Variants in LAMA5 observed in about 807,000 individuals in gnomAD.
LAMA5 encodes the protein laminin subunit alpha-5.
Under a neutral mutation model 433.4 loss-of-function variants are expected in LAMA5, and 260 were observed. The ratio of observed to expected loss-of-function variants is 0.60; its 90% confidence interval spans 0.54 to 0.66. The LOEUF is 0.66. LAMA5 is among the 30% of genes least tolerant of loss of function. The pLI is 0.00. For synonymous variants in LAMA5, 2,620 were observed against 2,226.6 expected (o/e 1.18, Z -4.97); for missense variants, 5,378 against 5,258.5 (o/e 1.02, Z -0.70).
intron 2 of LAMA5, among the ~76,000 whole-genome samples, chr20:62,354,098 G>C (rs1984789130): frequency 6.6e-6 from 1 of 152,078 alleles, no homozygotes; most frequent in African/African-American, 2.4e-5. Flanking sequence ...TTCTCCCCGT[G>C]TGTCAGCCTG....
At chr20:62,334,479 G>A (rs1294768628) in intron 21 of LAMA5, 43 bp downstream of exon 21, 1 of 1,526,240 alleles carries the variant, frequency 6.6e-7, no homozygotes. Flanking sequence ...AGGACAAGCT[G>A]CCTGCCCCGC....
Position 62,314,829 on chromosome 20 carries a change from G to A in LAMA5, c.8166C>T (p.Leu2722=), listed in dbSNP as rs1568900516. Residue 2722 remains leucine, a synonymous_variant, in exon 60 of 80, where the codon CTC becomes CTT. Transcript: ENST00000252999. ...LSASIGRVRE[L]IAQARGAASK... Reference sequence around the variant, plus strand: ...TGGCAGCCCCCCGGGCCTGGGCAATGAGCTCTCGCACGCGGCCAATGCTGG... The same window carrying A: ...TGGCAGCCCCCCGGGCCTGGGCAATAAGCTCTCGCACGCGGCCAATGCTGG... The A allele has an allele frequency of 1.2e-6, 2 of 1,612,728 alleles. No homozygotes were observed. The highest frequency in any genetic ancestry group is 2.7e-5 in the African/African-American group (2 of 74,906).
chr20:62,329,096 GA>G, intron 33 of LAMA5, 41 bp from the exon 34 acceptor site: 1 of 1,611,910 alleles, frequency 6.2e-7, no homozygotes, highest in African/African-American at 1.3e-5. Flanking sequence ...TCCCGGCCCA[GA>G]CCCCCACCCC....
At chr20:62,353,067 G>T in intron 3 of LAMA5, 67 bp downstream of exon 3, 1 of 1,187,942 alleles carries the variant, frequency 8.4e-7, no homozygotes, top group Non-Finnish European at 1.2e-6. Context: ...CAGAAGCCTG[G>T]TCACGGAGGG....
chr20:62,337,053 G>A (rs1293183865), intron 16 of LAMA5: 1 of 655,954 alleles, frequency 1.5e-6, no homozygotes, highest in Non-Finnish European at 2.8e-6. Flanking sequence ...CACGCAGTGT[G>A]TGACACACGT....
chr20:62,335,352 A>C, intron 18 of LAMA5, 83 bp from the exon 19 acceptor site: 3 of 1,404,556 alleles, frequency 2.1e-6, no homozygotes, highest in Non-Finnish European at 3.0e-6. Context: ...CCACACCCTA[A>C]CACCCCCTCC....
chr20:62,315,136 G>A lies in LAMA5; in HGVS notation c.7939C>T (p.Gln2647Ter). Reference protein sequence around the residue: ...AEAQDTATRVQSQLQAMQENV... With the variant: ...AEAQDTATRV Reference sequence around the variant, plus strand: ...TCCTGCATGGCCTGCAGCTGGGACTGCACACGGGTGGCGGTGTCCTGGGCT... The same window carrying A: ...TCCTGCATGGCCTGCAGCTGGGACTACACACGGGTGGCGGTGTCCTGGGCT... The change falls in exon 59 of 80, where the codon CAG becomes TAG. Residue 2647 changes from glutamine (Q) to a stop codon, truncating the protein, a stop_gained. Transcript: ENST00000252999. LOFTEE classifies it high-confidence loss of function. The A allele has an allele frequency of 1.9e-6, 3 of 1,610,050 alleles. No individual in the cohort carries two copies. The highest frequency in any genetic ancestry group is 8.5e-7 in the Non-Finnish European group (1 of 1,179,756).
In LAMA5 at chr20:62,353,887, G is replaced by A. The variant is rs555519311; in HGVS notation, c.451-636C>T. Among the ~76,000 whole-genome samples, 264 of 152,258 alleles carry A rather than the reference G, an allele frequency of 1.7e-3. 2 individuals carry two copies. The highest frequency in any genetic ancestry group is 5.9e-3 in the African/African-American group (245 of 41,548). ...AGGGACTGGGCTGCAGGGAGCAAGCGGGGCTCAGCCTTGCAGGCTGGGGGC... is the reference window on the plus strand; with the variant it reads ...AGGGACTGGGCTGCAGGGAGCAAGCAGGGCTCAGCCTTGCAGGCTGGGGGC... On this transcript the variant is annotated intron_variant, in intron 2 of 79. Coordinates refer to ENST00000252999, the MANE Select transcript of LAMA5 (RefSeq NM_005560.6).
rs1983491550 is a variant in LAMA5 at position 62,346,972 on chromosome 20, G to T, written c.1013C>A (p.Pro338His). The T allele has an allele frequency of 1.9e-6, 3 of 1,612,592 alleles. No individual in the cohort carries two copies. The highest frequency in any genetic ancestry group is 2.2e-5 in the South Asian group (2 of 91,076). Residue 338 changes from proline (P) to histidine (H), a missense_variant, in exon 7 of 80, where the codon CCC becomes CAC. Physicochemically the swap from Pro to His is moderately conservative, Grantham distance 77 (BLOSUM62 -2). Coordinates refer to ENST00000252999, the MANE Select transcript of LAMA5 (RefSeq NM_005560.6). Reference sequence around the variant, plus strand: ...CTTCCACGGCTGCTGATTGAAGCCGGGGCAGCAGCGGTCGCAGGTGCCCCC... The same window carrying T: ...CTTCCACGGCTGCTGATTGAAGCCGTGGCAGCAGCGGTCGCAGGTGCCCCC... ...TCGGTCDRCC[P>H]GFNQQPWKPA...
chr20:62,329,357 TGGC>T lies in LAMA5; in HGVS notation c.4120-107_4120-105del. 13 of 835,220 alleles carry T rather than the reference TGGC, an allele frequency of 1.6e-5. No individual in the cohort carries two copies. The South Asian group carries it at 2.2e-4, about 14-fold the overall frequency. The allele number at this position is 835,220 out of a possible 1,614,324, so 51.7% of individuals were successfully genotyped here. On this transcript the variant is annotated intron_variant, in intron 32 of 79. Transcript: ENST00000252999. Reference sequence around the variant, plus strand: ...GGGTCCTGCAGGCAGCTCAGAGTCCTGGCAGCAGCAGCCCAGCCCAGCCCAGCC... The same window carrying T: ...GGGTCCTGCAGGCAGCTCAGAGTCCTAGCAGCAGCCCAGCCCAGCCCAGCC...
At chr20:62,361,928 G>A (rs970802908) in intron 2 of LAMA5, among the ~76,000 whole-genome samples, 5 of 152,154 alleles carry the variant, frequency 3.3e-5, no homozygotes, top group South Asian at 2.1e-4. Flanking sequence ...GCAGGCACCC[G>A]ACCCCACCTA....
intron 45 of LAMA5, 97 bp from the exon 46 acceptor site, chr20:62,322,855 GTGTCTCC>G (rs1978533484): frequency 1.3e-6 from 1 of 797,618 alleles, no homozygotes; most frequent in Non-Finnish European, 1.9e-6. Flanking sequence ...GCCTCCTGCT[GTGTCTCC>G]TCCAGGCCGC....
In LAMA5 at chr20:62,324,485, G is replaced by A; in HGVS notation, c.5599C>T (p.His1867Tyr). The stretch of plus-strand genomic sequence containing the variant: ...GGGAGGCAGCGGTCTGAGTGTCCAT[G>A]GCACTGACAAGGGACACATCGGCCC... ...FLGRCVPCQC[H>Y]GHSDRCLPGS... is the part of the protein sequence containing the mutation. Residue 1867 changes from histidine to tyrosine, a missense_variant, in exon 42 of 80, where the codon CAT (histidine) becomes TAT (tyrosine). By Grantham distance (83) the His-to-Tyr change is moderately conservative. Transcript: ENST00000252999. The surrounding 1 kb of genome is among the most constrained non-coding windows in gnomAD (Gnocchi z 4.4). 2 of 1,612,400 alleles carry A rather than the reference G, an allele frequency of 1.2e-6. No individual in the cohort carries two copies. Among genetic ancestry groups the A allele is most frequent in the Non-Finnish European group, 1.7e-6 (2 of 1,179,818 alleles).
chr20:62,336,296 T>TC (rs768108866), intron 18 of LAMA5, 44 bp downstream of exon 18: 3 of 1,379,704 alleles, frequency 2.2e-6, no homozygotes, highest in Non-Finnish European at 2.0e-6. Context: ...TGGGCACAGT[T>TC]CCCCAAGGAA....
At chr20:62,329,737 G>A in intron 32 of LAMA5, 40 bp downstream of exon 32, 1 of 1,608,614 alleles carries the variant, frequency 6.2e-7, no homozygotes. Flanking sequence ...ACAAGTATAA[G>A]GACAGCTGGT....
chr20:62,334,063 T>A, intron 22 of LAMA5, 24 bp from the exon 23 acceptor site: 3 of 1,603,064 alleles, frequency 1.9e-6, no homozygotes, highest in South Asian at 2.2e-5. Context: ...GAGCGTCGGG[T>A]CACTCTCCCT....
At chr20:62,332,820 G>A in intron 26 of LAMA5, 103 bp from the exon 27 acceptor site, 3 of 1,416,736 alleles carry the variant, frequency 2.1e-6, no homozygotes, top group Non-Finnish European at 2.9e-6. Flanking sequence ...CTGCCCTTCA[G>A]CCGAGTCCCA....
At position 62,313,016 on chromosome 20, in the gene LAMA5, G is replaced by A. The variant is rs377713649; in HGVS notation, c.8956-6C>T. 6.3e-7 allele frequency: 1 copy of A among 1,584,768 alleles called. No homozygotes were observed. The highest frequency in any genetic ancestry group is 1.7e-4 in the Middle Eastern group (1 of 5,930). On this transcript the variant is annotated splice_region_variant and splice_polypyrimidine_tract_variant and intron_variant, in intron 65 of 79. Transcript: ENST00000252999. ...GCCAAGCACAGGAACTGGCTCTGCA[G>A]AAACAGGGCAGGGTTAGTGTGGGGC...
rs759074620 is a variant in LAMA5, at chr20:62,320,937, G to C, written c.6497-47C>G. ...AGGTCAGTGTCATTGGGTCAGGCCA[G>C]GGGAGAATGATCAGCTGGGGCCCTG... On this transcript the variant is annotated intron_variant, in intron 48 of 79. Coordinates refer to ENST00000252999, the MANE Select transcript of LAMA5 (RefSeq NM_005560.6). 3 of 1,562,540 alleles carry C rather than the reference G, an allele frequency of 1.9e-6. No homozygotes were observed. The South Asian group carries it at 3.5e-5, about 18-fold the overall frequency.
Sources: gnomAD v4.1 joint callset for allele counts (sites outside exome capture counted in the v4.1 genomes callset) on GRCh38, gnomAD v4.1.1 for gene constraint, Gnocchi (gnomAD v3.1) non-coding constraint, MANE v1.5 for transcripts, NCBI Gene and HGNC (gene_info 2026-07-23, HGNC 2026-07-21) for gene names.